GLDC: variants seen among roughly 807,000 people sequenced by gnomAD.
GLDC encodes the protein glycine decarboxylase, also known as glycine dehydrogenase (decarboxylating), mitochondrial.
In GLDC, 104 loss-of-function variants were observed where a neutral mutation model predicts 121.3. The ratio of observed to expected loss-of-function variants is 0.86; its 90% CI spans 0.73 to 1.01. The LOEUF (loss-of-function observed/expected upper bound fraction) is 1.01. Among genes scored for constraint, GLDC ranks in the 50% least tolerant of loss-of-function variants. The pLI is 0.00. For synonymous variants in GLDC, 546 were observed against 480.6 expected (o/e 1.14, Z -1.78); for missense variants, 1,429 against 1,306.6 (o/e 1.09, Z -1.44).
intron 11 of GLDC, among the ~76,000 whole-genome samples, chr9:6,591,608 G>C (rs981234160): frequency 6.6e-6 from 1 of 151,940 alleles, no homozygotes; most frequent in Non-Finnish European, 1.5e-5. Flanking sequence ...TTTTGAGATG[G>C]AGTTTTGCTC....
chr9:6,609,051 C>T (rs1225793465), intron 4 of GLDC, among the ~76,000 whole-genome samples: 5 of 152,134 alleles, frequency 3.3e-5, no homozygotes, highest in Non-Finnish European at 7.3e-5. Context: ...AAGAGGCTTA[C>T]ATGGGCATTC....
chr9:6,593,218 G>A (rs943491449), intron 9 of GLDC: 13 of 454,004 alleles, frequency 2.9e-5, no homozygotes, highest in Admixed American at 1.1e-4. Context: ...GCATTACTGC[G>A]TGTATTTTGG....
At chr9:6,607,704 C>G (rs555358608) in intron 4 of GLDC, among the ~76,000 whole-genome samples, 1 of 151,886 alleles carries the variant, frequency 6.6e-6, no homozygotes, top group Non-Finnish European at 1.5e-5. Flanking sequence ...AGTGCAGTAG[C>G]GCCATCACAG....
At chr9:6,635,846 G>A (rs1204987328) in intron 2 of GLDC, among the ~76,000 whole-genome samples, 1 of 151,838 alleles carries the variant, frequency 6.6e-6, no homozygotes. Flanking sequence ...CTGTAGTCGA[G>A]CCTGGGTGAC....
At chr9:6,601,621 T>C (rs548151788) in intron 8 of GLDC, among the ~76,000 whole-genome samples, 3 of 152,202 alleles carry the variant, frequency 2.0e-5, no homozygotes, top group African/African-American at 7.2e-5. Flanking sequence ...TTCTTTAACT[T>C]TTTTTGTGGG....
intron 2 of GLDC, among the ~76,000 whole-genome samples, chr9:6,628,537 T>TC (rs1418016112): frequency 2.0e-5 from 3 of 152,180 alleles, no homozygotes; most frequent in Non-Finnish European, 4.4e-5. Context: ...CGCCTGTTAA[T>TC]CCCAGCACTT....
At chr9:6,626,400 AAAG>A (rs546578909) in intron 2 of GLDC, among the ~76,000 whole-genome samples, 137 of 152,352 alleles carry the variant, frequency 9.0e-4, no homozygotes, top group African/African-American at 3.1e-3. Context: ...TAAAAAATAA[AAAG>A]AAGCAGCTCA....
At position 6,583,323 on chromosome 9, in the gene GLDC, T is replaced by A. The variant is rs1818207504; in HGVS notation, c.1850+3818A>T. ...AAGGATGGAACAACTCAAGTGTCCCTCAATTGATGAAGGGATAAACAAAAT... is the reference window on the plus strand; with the variant it reads ...AAGGATGGAACAACTCAAGTGTCCCACAATTGATGAAGGGATAAACAAAAT... On this transcript the variant is annotated intron_variant, in intron 15 of 24. Transcript: ENST00000321612. Among the ~76,000 whole-genome samples the A allele has an allele frequency of 2.0e-5, 3 of 152,052 alleles. No individual in the cohort carries two copies. The South Asian group carries it at 6.2e-4, about 32-fold the overall frequency.
chr9:6,591,317 A>G (rs575491753), intron 11 of GLDC, among the ~76,000 whole-genome samples: 1 of 152,222 alleles, frequency 6.6e-6, no homozygotes, highest in South Asian at 2.1e-4. Flanking sequence ...CTTGGTAAGG[A>G]GCTCATCCTG....
intron 3 of GLDC, among the ~76,000 whole-genome samples, chr9:6,616,652 TATA>T (rs951350291): frequency 4.6e-5 from 7 of 152,238 alleles, no homozygotes; most frequent in Non-Finnish European, 8.8e-5. Flanking sequence ...GCCTGTCATC[TATA>T]ATGTCTATGT....
At chr9:6,554,581 A>G in intron 19 of GLDC, 88 bp downstream of exon 19, 2 of 929,406 alleles carry the variant, frequency 2.2e-6, no homozygotes, top group Non-Finnish European at 3.5e-6. Context: ...TCAACACATG[A>G]AGACTTTGAT....
chr9:6,608,998 A>T lies in GLDC; in HGVS notation c.635+1194T>A, dbSNP rs149520334. 5.8e-3 allele frequency among the ~76,000 whole-genome samples: 883 copies of T among 152,210 alleles called. 4 individuals carry two copies. Among genetic ancestry groups the T allele is most frequent in the African/African-American group, 0.02 (840 of 41,532 alleles). On this transcript the variant is annotated intron_variant, in intron 4 of 24. Transcript: ENST00000321612. ...CAGAGGCCTCTAAACTTGCTGACCAAGTATGGAGCTCACTCCCCACCCCAA... is the reference window on the plus strand; with the variant it reads ...CAGAGGCCTCTAAACTTGCTGACCATGTATGGAGCTCACTCCCCACCCCAA...
At chr9:6,564,116 C>G (rs551361589) in intron 16 of GLDC, among the ~76,000 whole-genome samples, 1 of 151,934 alleles carries the variant, frequency 6.6e-6, no homozygotes, top group Non-Finnish European at 1.5e-5. Flanking sequence ...GGCGTGGTGG[C>G]GCATGCCTGT....
At position 6,589,244 on chromosome 9, in the gene GLDC, A is replaced by G; in HGVS notation, c.1531T>C (p.Ser511Pro). Reference sequence around the variant, plus strand: ...AACGGGCTGGTCCTCTTGAACACAGACCCTGGAATACCTCTGCACTCCTCT... The same window carrying G: ...AACGGGCTGGTCCTCTTGAACACAGGCCCTGGAATACCTCTGCACTCCTCT... ...MGEECRGIPG[S>P]VFKRTSPFLT... is the part of the protein sequence containing the mutation. The change falls in exon 12 of 25, where the codon TCT becomes CCT. Residue 511 changes from serine to proline, a missense_variant. Ser to Pro is a moderately conservative substitution (Grantham distance 74, BLOSUM62 -1). Transcript: ENST00000321612. 2 of 1,611,414 alleles carry G rather than the reference A, an allele frequency of 1.2e-6. No individual in the cohort carries two copies. The highest frequency in any genetic ancestry group is 8.5e-7 in the Non-Finnish European group (1 of 1,177,698).
intron 2 of GLDC, among the ~76,000 whole-genome samples, chr9:6,635,717 A>T (rs539406083): frequency 1.1e-4 from 17 of 152,018 alleles, no homozygotes; most frequent in African/African-American, 4.1e-4. Flanking sequence ...CTACAAAAAA[A>T]TTTAAAAAAT....
Position 6,553,473 on chromosome 9 carries a change from G to C in GLDC, c.2352C>G (p.Pro784=), listed in dbSNP as rs367781728. ...KHLAPFLPNH[P]VISLKRNEDA... Reference sequence around the variant, plus strand: ...CCTCATTCCGCTTTAGTGAAATGACGGGATGATTGGGCAAAAACGGGGCGA... The same window carrying C: ...CCTCATTCCGCTTTAGTGAAATGACCGGATGATTGGGCAAAAACGGGGCGA... The change falls in exon 20 of 25, where the codon CCC becomes CCG. Residue 784 remains proline, a synonymous_variant. Transcript: ENST00000321612. 24 of 1,613,894 alleles carry C rather than the reference G, an allele frequency of 1.5e-5. No homozygotes were observed. Among genetic ancestry groups the C allele is most frequent in the Non-Finnish European group, 1.9e-5 (22 of 1,179,912 alleles).
intron 23 of GLDC, chr9:6,535,825 C>A (rs1397086555): frequency 1.8e-6 from 1 of 541,880 alleles, no homozygotes; most frequent in East Asian, 3.3e-5. Context: ...CAGAATGTTA[C>A]AAATTCTCCA....
Position 6,633,655 on chromosome 9 carries a change from C to T in GLDC, c.334+10959G>A, listed in dbSNP as rs1275749760. On this transcript the variant is annotated intron_variant, in intron 2 of 24. Coordinates refer to ENST00000321612, the MANE Select transcript of GLDC (RefSeq NM_000170.3). ...CCATGCTTCTGGCCAGGCACAGTGG[C>T]TCACAACTGTAATCCCAGCACTTGG... Among the ~76,000 whole-genome samples, 3 of 151,968 alleles carry T rather than the reference C, an allele frequency of 2.0e-5. No homozygotes were observed. In the East Asian group the frequency reaches 5.8e-4, roughly 30 times the overall value.
intron 2 of GLDC, among the ~76,000 whole-genome samples, chr9:6,636,496 C>T (rs1311021933): frequency 6.6e-6 from 1 of 152,092 alleles, no homozygotes; most frequent in Non-Finnish European, 1.5e-5. Flanking sequence ...TAAAGTTGGT[C>T]GGGCAAGGTG....
Sources: gnomAD v4.1 joint callset for allele counts (sites outside exome capture counted in the v4.1 genomes callset) on GRCh38, gnomAD v4.1.1 for gene constraint, MANE v1.5 for transcripts, NCBI Gene and HGNC (gene_info 2026-07-23, HGNC 2026-07-21) for gene names.